ZNF292: variants seen among roughly 807,000 people sequenced by gnomAD.
ZNF292 encodes zinc finger protein 292.
Under a neutral mutation model 217.9 loss-of-function variants are expected in ZNF292, and 26 were observed. The observed-to-expected ratio is 0.12, with a 90% CI of 0.09 to 0.17. The LOEUF (loss-of-function observed/expected upper bound fraction) is 0.17, where lower values mean the gene tolerates loss of function less well. Ranked by LOEUF, ZNF292 falls within the 10% of genes least tolerant of loss-of-function variation. ZNF292 has a pLI of 1.00. For missense variants in ZNF292, 2,904 were observed against 3,175.2 expected (o/e 0.91, Z 2.05); for synonymous variants, 1,257 against 1,124.1 (o/e 1.12, Z -2.37).
intron 4 of ZNF292, among the ~76,000 whole-genome samples, chr6:87,222,318 C>T (rs1773123406): frequency 6.6e-6 from 1 of 152,058 alleles, no homozygotes; most frequent in Non-Finnish European, 1.5e-5. Flanking sequence ...TTCTTACATC[C>T]ATATCCGTTG....
chr6:87,220,061 A>G (rs1317242831), intron 4 of ZNF292, among the ~76,000 whole-genome samples: 1 of 152,272 alleles, frequency 6.6e-6, no homozygotes, highest in African/African-American at 2.4e-5. Context: ...TCCTGGGCTC[A>G]AGCCATCCTC....
rs1293069898 is a variant in ZNF292, at chr6:87,256,448, A to G, written c.2819A>G (p.Lys940Arg). 1 of 1,607,804 alleles carries G rather than the reference A, an allele frequency of 6.2e-7. No homozygotes were observed. The highest frequency in any genetic ancestry group is 2.2e-5 in the East Asian group (1 of 44,878). Residue 940 changes from lysine (K) to arginine (R), a missense_variant, in exon 8 of 8, where the codon AAG becomes AGG. Lys to Arg is a conservative substitution (Grantham distance 26). Coordinates refer to ENST00000369577, the MANE Select transcript of ZNF292 (RefSeq NM_015021.3). Reference sequence around the variant, plus strand: ...TCCAGTGAAGTAGCTGTGTCCATTAAGGTGTCTCTCAATCAGGGGATTGAG... The same window carrying G: ...TCCAGTGAAGTAGCTGTGTCCATTAGGGTGTCTCTCAATCAGGGGATTGAG... ...LQSSEVAVSI[K>R]VSLNQGIEDN...
chr6:87,229,733 T>C (rs1773552913), intron 4 of ZNF292, among the ~76,000 whole-genome samples: 2 of 152,234 alleles, frequency 1.3e-5, no homozygotes, highest in African/African-American at 4.8e-5. Context: ...GCCTAATTGC[T>C]GAATTATTTC....
intron 1 of ZNF292, among the ~76,000 whole-genome samples, chr6:87,155,978 A>G (rs1425878185): frequency 3.3e-5 from 5 of 152,210 alleles, no homozygotes; most frequent in Admixed American, 3.3e-4. Context: ...GTTGCGGTCA[A>G]GGCGGAAAAT....
Position 87,259,647 on chromosome 6 carries a change from A to C in ZNF292, c.6018A>C (p.Lys2006Asn). Residue 2006 changes from lysine to asparagine, a missense_variant, in exon 8 of 8, where the codon AAA becomes AAC. Physicochemically the swap from Lys to Asn is moderately conservative, Grantham distance 94 (BLOSUM62 0). This residue lies in a region of ZNF292 where 261 missense variants were observed against 272.8 expected (regional missense o/e 0.96). Transcript: ENST00000369577. ...NVPASRSTQV[K>N]KQLAMTEENK... The stretch of plus-strand genomic sequence containing the variant: ...CGGCCTCACGAAGTACACAAGTGAA[A>C]AAACAGCTAGCTATGACAGAGGAAA... The C allele has an allele frequency of 6.3e-7, 1 of 1,587,154 alleles. No homozygotes were observed. Among genetic ancestry groups the C allele is most frequent in the Admixed American group, 1.8e-5 (1 of 55,342 alleles).
At chr6:87,201,274 T>C (rs572023949) in intron 1 of ZNF292, among the ~76,000 whole-genome samples, 1 of 152,332 alleles carries the variant, frequency 6.6e-6, no homozygotes, top group East Asian at 1.9e-4. Context: ...AACAGAAGTT[T>C]TTAATTCTAT....
At position 87,264,707 on chromosome 6, in the gene ZNF292, C is replaced by G. The variant is rs948735241; in HGVS notation, c.*2906C>G. ...AGATAGGAAGTTGAAGAAGGTGAAG[C>G]TGAAGAAGCAGATGGGTGGTGGGAT... On this transcript the variant is annotated 3_prime_UTR_variant, in exon 8 of 8. Transcript: ENST00000369577. Among the ~76,000 whole-genome samples the G allele has an allele frequency of 1.3e-5, 2 of 152,222 alleles. No homozygotes were observed. Among genetic ancestry groups the G allele is most frequent in the African/African-American group, 4.8e-5 (2 of 41,520 alleles).
chr6:87,214,546 C>T (rs993855120), intron 1 of ZNF292, among the ~76,000 whole-genome samples: 1 of 151,984 alleles, frequency 6.6e-6, no homozygotes, highest in African/African-American at 2.4e-5. Flanking sequence ...CACGTTTTTC[C>T]ACTTCAACTT....
chr6:87,244,040 C>G (rs1215069014), intron 6 of ZNF292, among the ~76,000 whole-genome samples: 14 of 133,530 alleles, frequency 1.0e-4, no homozygotes, highest in African/African-American at 3.4e-4. Context: ...AACTGAAGAT[C>G]AGCTGCCTTA....
Position 87,261,573 on chromosome 6 carries a change from C to T in ZNF292, c.7944C>T (p.Ser2648=), listed in dbSNP as rs754830834. The change falls in exon 8 of 8, where the codon AGC becomes AGT. Residue 2648 remains serine, a synonymous_variant. Transcript: ENST00000369577. ...ATCATGTATGTCCTTGTAAAGAAAG[C>T]GAAACGTTTGTACAGTTTGCCAATC... ...SGNHVCPCKE[S]ETFVQFANPS... The T allele has an allele frequency of 2.4e-5, 39 of 1,610,278 alleles. No individual in the cohort carries two copies. Among genetic ancestry groups the T allele is most frequent in the East Asian group, 6.7e-5 (3 of 44,800 alleles).
chr6:87,193,966 A>G (rs6454592), intron 1 of ZNF292, among the ~76,000 whole-genome samples: 95,834 of 151,992 alleles, frequency 0.63, 31,798 homozygotes, highest in African/African-American at 0.85. Context: ...GAGAGATAGA[A>G]GAGGGAGATA....
rs1773753808 is a variant in ZNF292 at position 87,233,507 on chromosome 6, A to C, written c.721A>C (p.Asn241His). Reference protein sequence around the residue: ...YLVCLCTSSPNGKLIEEISEV... With the variant: ...YLVCLCTSSPHGKLIEEISEV... ...TGTCTGTCTTTGTACATCATCACCA[A>C]ATGGAAAGTTAATCGAAGAGGTGAG... The change falls in exon 5 of 8, where the codon AAT (asparagine) becomes CAT (histidine). Residue 241 changes from asparagine (N) to histidine (H), a missense_variant. This residue lies in a region of ZNF292 where 313 missense variants were observed against 451.0 expected (regional missense o/e 0.69). Coordinates refer to ENST00000369577, the MANE Select transcript of ZNF292 (RefSeq NM_015021.3). 5 of 1,610,848 alleles carry C rather than the reference A, an allele frequency of 3.1e-6. No homozygotes were observed. The highest frequency in any genetic ancestry group is 4.2e-6 in the Non-Finnish European group (5 of 1,178,636).
At chr6:87,209,672 A>G (rs771186270) in intron 1 of ZNF292, among the ~76,000 whole-genome samples, 3 of 152,202 alleles carry the variant, frequency 2.0e-5, no homozygotes, top group Non-Finnish European at 4.4e-5. Context: ...AAAATGTAAA[A>G]CAATGCCTCT....
intron 1 of ZNF292, among the ~76,000 whole-genome samples, chr6:87,209,104 A>ACCCTCC (rs1772370796): frequency 7.3e-6 from 1 of 137,306 alleles, no homozygotes; most frequent in African/African-American, 3.0e-5. Flanking sequence ...CCCCACTTTC[A>ACCCTCC]CCCCCCCCTC....
chr6:87,206,745 T>A (rs566966456), intron 1 of ZNF292, among the ~76,000 whole-genome samples: 1 of 152,336 alleles, frequency 6.6e-6, no homozygotes, highest in Non-Finnish European at 1.5e-5. Flanking sequence ...AATCACTTTG[T>A]CATGCAAAAT....
chr6:87,165,868 C>T (rs1770895891), intron 1 of ZNF292, among the ~76,000 whole-genome samples: 2 of 151,708 alleles, frequency 1.3e-5, no homozygotes, highest in African/African-American at 4.9e-5. Context: ...AGCGATTCTC[C>T]CGCCTCAGCT....
At chr6:87,212,117 C>T (rs965336107) in intron 1 of ZNF292, among the ~76,000 whole-genome samples, 2 of 152,068 alleles carry the variant, frequency 1.3e-5, no homozygotes, top group African/African-American at 2.4e-5. Context: ...TCACAGAACT[C>T]AGGAAAATGC....
chr6:87,255,854 A>G lies in ZNF292; in HGVS notation c.2225A>G (p.Gln742Arg), dbSNP rs780621687. 9 of 1,613,752 alleles carry G rather than the reference A, an allele frequency of 5.6e-6. No individual in the cohort carries two copies. The highest frequency in any genetic ancestry group is 1.1e-5 in the South Asian group (1 of 91,082). Residue 742 changes from glutamine (Q) to arginine (R), a missense_variant, in exon 8 of 8, where the codon CAG becomes CGG. Transcript: ENST00000369577. The part of the protein sequence containing the change: ...VSVTHLNDHL[Q>R]MHCGSKPYIC... ...GTTACTCATCTCAATGATCACTTAC[A>G]GATGCACTGTGGCAGTAAACCATAT...
Position 87,228,523 on chromosome 6 carries a change from T to A in ZNF292, c.539-4802T>A, listed in dbSNP as rs189626238. 1.2e-3 allele frequency among the ~76,000 whole-genome samples: 185 copies of A among 152,340 alleles called. 1 individual carries two copies. Among genetic ancestry groups the A allele is most frequent in the African/African-American group, 4.1e-3 (172 of 41,586 alleles). Reference sequence around the variant, plus strand: ...CATTGCCAGTCTATTGTCATAAAGCTTTTCTCTATGGTTTCTTCTACGAGT... The same window carrying A: ...CATTGCCAGTCTATTGTCATAAAGCATTTCTCTATGGTTTCTTCTACGAGT... On this transcript the variant is annotated intron_variant, in intron 4 of 7. Coordinates refer to ENST00000369577, the MANE Select transcript of ZNF292 (RefSeq NM_015021.3).
Sources: allele counts gnomAD v4.1 joint callset (sites outside exome capture counted in the v4.1 genomes callset), GRCh38; gene constraint gnomAD v4.1.1; regional missense constraint gnomAD v4.1.1; transcripts MANE v1.5; gene names NCBI Gene and HGNC (gene_info 2026-07-23, HGNC 2026-07-21).